KITLG: variants seen among roughly 807,000 people sequenced by gnomAD.
KITLG encodes c-Kit ligand.
In KITLG, 13 loss-of-function variants were observed where a neutral mutation model predicts 34.1. The ratio of observed to expected loss-of-function variants is 0.38; its 90% CI spans 0.25 to 0.61. KITLG has a LOEUF of 0.61. Ranked by LOEUF, KITLG falls within the 20% of genes least tolerant of loss-of-function variation. The pLI, the probability that KITLG is intolerant of heterozygous loss-of-function variation, is 0.60. For missense variants in KITLG, 292 were observed against 318.9 expected (o/e 0.92, Z 0.64); for synonymous variants, 110 against 104.0 (o/e 1.06, Z -0.35).
chr12:88,535,187 T>C (rs1341396067), intron 2 of KITLG, among the ~76,000 whole-genome samples: 1 of 152,156 alleles, frequency 6.6e-6, no homozygotes, highest in Non-Finnish European at 1.5e-5. Flanking sequence ...ATAATTTATA[T>C]ACAAATATTG....
At chr12:88,524,089 T>C (rs1408235078) in intron 3 of KITLG, among the ~76,000 whole-genome samples, 2 of 152,218 alleles carry the variant, frequency 1.3e-5, no homozygotes, top group Non-Finnish European at 1.5e-5. Context: ...CAATTCACTT[T>C]GTGATTTCAG....
chr12:88,514,002 T>A (rs1301233517), intron 6 of KITLG, among the ~76,000 whole-genome samples: 1 of 151,646 alleles, frequency 6.6e-6, no homozygotes, highest in Non-Finnish European at 1.5e-5. Context: ...GTATGTTTTC[T>A]GACAACAAAA....
intron 2 of KITLG, among the ~76,000 whole-genome samples, chr12:88,533,509 C>A (rs1870182450): frequency 6.6e-6 from 1 of 152,148 alleles, no homozygotes; most frequent in African/African-American, 2.4e-5. Flanking sequence ...ACACACTGTA[C>A]CAACTTTGCT....
intron 6 of KITLG, among the ~76,000 whole-genome samples, chr12:88,510,189 C>A (rs888173614): frequency 1.3e-5 from 2 of 152,138 alleles, no homozygotes; most frequent in African/African-American, 4.8e-5. Context: ...TTTTGCTGAA[C>A]TTCTTTTTAG....
chr12:88,566,474 G>A (rs1239089074), intron 1 of KITLG, among the ~76,000 whole-genome samples: 1 of 152,060 alleles, frequency 6.6e-6, no homozygotes, highest in African/African-American at 2.4e-5. Flanking sequence ...AGGAGCTCAG[G>A]GTAAGATCAC....
intron 2 of KITLG, among the ~76,000 whole-genome samples, chr12:88,539,658 A>C (rs944934773): frequency 1.3e-5 from 2 of 152,176 alleles, no homozygotes; most frequent in Non-Finnish European, 2.9e-5. Flanking sequence ...ACAGTGGTTC[A>C]TACCTGTAAT....
chr12:88,560,796 C>T (rs1337520000), intron 1 of KITLG, among the ~76,000 whole-genome samples: 2 of 151,612 alleles, frequency 1.3e-5, no homozygotes, highest in African/African-American at 2.4e-5. Context: ...AGTGAAACCC[C>T]GTCTCTACTA....
At chr12:88,533,910 T>C (rs1044553085) in intron 2 of KITLG, among the ~76,000 whole-genome samples, 2 of 152,174 alleles carry the variant, frequency 1.3e-5, no homozygotes, top group African/African-American at 4.8e-5. Context: ...TGGTGCTTAC[T>C]ACCATCCTAC....
intron 1 of KITLG, among the ~76,000 whole-genome samples, chr12:88,574,065 C>CT (rs34585685): frequency 1.7e-3 from 252 of 148,104 alleles, no homozygotes; most frequent in African/African-American, 4.9e-3. Flanking sequence ...GCCATTGCTA[C>CT]TTTTTTTTTT....
chr12:88,493,624 C>A lies in KITLG; in HGVS notation c.*3595G>T, dbSNP rs561276852. On this transcript the variant is annotated 3_prime_UTR_variant, in exon 10 of 10. Coordinates refer to ENST00000644744, the MANE Select transcript of KITLG (RefSeq NM_000899.5). ...ATTTTAAAGTGTAATTAATGAATTA[C>A]CCCTTTATAAATTGATTCTAAAATA... 2.0e-5 allele frequency: 3 copies of A among 151,980 alleles called. No individual in the cohort carries two copies. Among genetic ancestry groups the A allele is most frequent in the African/African-American group, 7.2e-5 (3 of 41,526 alleles). The allele number at this position is 151,980 out of a possible 1,614,324, so 9.4% of individuals were successfully genotyped here. A position where few individuals can be genotyped will look rare whatever the true frequency, so the allele number is the denominator to read the frequency against.
chr12:88,567,486 T>C (rs1871482753), intron 1 of KITLG, among the ~76,000 whole-genome samples: 1 of 152,206 alleles, frequency 6.6e-6, no homozygotes, highest in Non-Finnish European at 1.5e-5. Flanking sequence ...AATGGACTGA[T>C]AAAAGTAACT....
chr12:88,546,362 G>A (rs1017605580), intron 1 of KITLG, among the ~76,000 whole-genome samples: 1 of 152,158 alleles, frequency 6.6e-6, no homozygotes, highest in Non-Finnish European at 1.5e-5. Flanking sequence ...AGACCTAAGA[G>A]AATTCCACTG....
chr12:88,547,631 T>A (rs1381919178), intron 1 of KITLG, among the ~76,000 whole-genome samples: 1 of 152,204 alleles, frequency 6.6e-6, no homozygotes, highest in Non-Finnish European at 1.5e-5. Flanking sequence ...AGACGTAACC[T>A]CCCTGGAAAT....
In KITLG at chr12:88,494,498, T is replaced by C. The variant is rs1868534965; in HGVS notation, c.*2721A>G. 1 of 152,436 alleles carries C rather than the reference T, an allele frequency of 6.6e-6. No homozygotes were observed. The highest frequency in any genetic ancestry group is 2.4e-5 in the African/African-American group (1 of 41,426). The allele number at this position is 152,436 out of a possible 1,614,324, so 9.4% of individuals were successfully genotyped here. On this transcript the variant is annotated 3_prime_UTR_variant, in exon 10 of 10. Transcript: ENST00000644744. Reference sequence around the variant, plus strand: ...CATAATTTTCTTTTCACATACTTTTTAAGAGAATAGGCTACTTGTTCTATT... The same window carrying C: ...CATAATTTTCTTTTCACATACTTTTCAAGAGAATAGGCTACTTGTTCTATT...
chr12:88,557,307 TTTACTG>T (rs1290837310), intron 1 of KITLG, among the ~76,000 whole-genome samples: 1 of 152,132 alleles, frequency 6.6e-6, no homozygotes, highest in African/African-American at 2.4e-5. Flanking sequence ...TGTTCAGGTT[TTTACTG>T]TTACTAATTT....
At chr12:88,568,040 C>G (rs1359989087) in intron 1 of KITLG, among the ~76,000 whole-genome samples, 5 of 152,058 alleles carry the variant, frequency 3.3e-5, no homozygotes, top group African/African-American at 1.2e-4. Context: ...AGTCTGAGAA[C>G]AATACAACAA....
At chr12:88,523,606 G>A (rs992356707) in intron 3 of KITLG, among the ~76,000 whole-genome samples, 1 of 152,130 alleles carries the variant, frequency 6.6e-6, no homozygotes, top group African/African-American at 2.4e-5. Flanking sequence ...GCCATTTGTG[G>A]ACTTTATTTA....
Position 88,495,785 on chromosome 12 carries a change from T to C in KITLG, c.*1434A>G, listed in dbSNP as rs1169973020. ...TGTTATCACAAAGATTAAGTTAGAATGGAAAGCTTTGGATTCCTTTATGTG... is the reference window on the plus strand; with the variant it reads ...TGTTATCACAAAGATTAAGTTAGAACGGAAAGCTTTGGATTCCTTTATGTG... On this transcript the variant is annotated 3_prime_UTR_variant, in exon 10 of 10. Transcript: ENST00000644744. 2.6e-5 allele frequency: 4 copies of C among 152,218 alleles called. No individual in the cohort carries two copies. The highest frequency in any genetic ancestry group is 5.9e-5 in the Non-Finnish European group (4 of 68,022). The allele number at this position is 152,218 out of a possible 1,614,324, so 9.4% of individuals were successfully genotyped here.
At chr12:88,531,067 TA>T in intron 3 of KITLG, among the ~76,000 whole-genome samples, 1 of 152,324 alleles carries the variant, frequency 6.6e-6, no homozygotes, top group African/African-American at 2.4e-5. Flanking sequence ...CACAGTACAG[TA>T]GTTGAAATGA....
Sources: allele counts gnomAD v4.1 joint callset (sites outside exome capture counted in the v4.1 genomes callset), GRCh38; gene constraint gnomAD v4.1.1; transcripts MANE v1.5; gene names NCBI Gene and HGNC (gene_info 2026-07-23, HGNC 2026-07-21).